Variants in TNN observed in about 807,000 individuals in gnomAD.
The protein encoded by TNN is tenascin-N.
Under a neutral mutation model 134.4 loss-of-function variants are expected in TNN, and 122 were observed. That is an observed-to-expected ratio of 0.91 (90% CI 0.78 to 1.06). The LOEUF is 1.06. Ranked by LOEUF, TNN falls within the 50% of genes least tolerant of loss-of-function variation. The pLI is 0.00. For synonymous variants in TNN, 710 were observed against 670.3 expected (o/e 1.06, Z -0.91); for missense variants, 1,739 against 1,699.4 (o/e 1.02, Z -0.41).
At position 175,107,264 on chromosome 1, in the gene TNN, T is replaced by C. The variant is rs1574157352; in HGVS notation, c.2119+8669T>C. 1.4e-5 allele frequency among the ~76,000 whole-genome samples: 2 copies of C among 144,760 alleles called. 1 individual carries two copies. The highest frequency in any genetic ancestry group is 4.8e-4 in the South Asian group (2 of 4,208). The allele number at this position is 144,760 out of a possible 152,430, so 95.0% of individuals were successfully genotyped here. A position where few individuals can be genotyped will look rare whatever the true frequency, so the allele number is the denominator to read the frequency against. The stretch of plus-strand genomic sequence containing the variant: ...TTTCTTCCTTCTGGTGGGTTCGTGG[T>C]CTTGCTGGCTCAGGAGTGAAGCTGC... On this transcript the variant is annotated intron_variant, in intron 9 of 18. Transcript: ENST00000239462.
intron 11 of TNN, among the ~76,000 whole-genome samples, chr1:175,119,806 G>A (rs1675301075): frequency 6.6e-6 from 1 of 151,618 alleles, no homozygotes; most frequent in Non-Finnish European, 1.5e-5. Flanking sequence ...GGCTAATTTT[G>A]TTTTTGTATT....
At chr1:175,121,006 C>A (rs1312999207) in intron 11 of TNN, among the ~76,000 whole-genome samples, 1 of 152,156 alleles carries the variant, frequency 6.6e-6, no homozygotes, top group Non-Finnish European at 1.5e-5. Context: ...CTGTGTTGAA[C>A]TCCTGGGCTC....
intron 11 of TNN, among the ~76,000 whole-genome samples, chr1:175,120,066 C>G (rs753511355): frequency 6.6e-6 from 1 of 152,206 alleles, no homozygotes; most frequent in Non-Finnish European, 1.5e-5. Flanking sequence ...TTGTGGCAAG[C>G]TATTTTGTAT....
intron 16 of TNN, 59 bp downstream of exon 16, chr1:175,136,000 C>A: frequency 7.7e-7 from 1 of 1,304,706 alleles, no homozygotes; most frequent in Non-Finnish European, 1.1e-6. Context: ...CCAGGACAAG[C>A]TAGCTAGGAG....
At position 175,125,703 on chromosome 1, in the gene TNN, C is replaced by CTTTCCTTCTT. The variant is rs66718246; in HGVS notation, c.2915-1251_2915-1250insTTCCTTCTTT. ...CCTCCTTTCTTTCTCTCTTTTTTCT[C>CTTTCCTTCTT]TCTTTCTTTCTTTCTTTCTTTCTTT... On this transcript the variant is annotated intron_variant, in intron 12 of 18. Coordinates refer to ENST00000239462, the MANE Select transcript of TNN (RefSeq NM_022093.2). 4.5e-5 allele frequency among the ~76,000 whole-genome samples: 3 copies of CTTTCCTTCTT among 66,390 alleles called. 1 individual carries two copies. The highest frequency in any genetic ancestry group is 1.7e-4 in the African/African-American group (3 of 17,344). 43.6% of individuals were successfully genotyped at this position (66,390 alleles called of 152,430 possible).
chr1:175,144,681 T>G, intron 18 of TNN, 131 bp downstream of exon 18: 4 of 1,001,504 alleles, frequency 4.0e-6, no homozygotes, highest in Non-Finnish European at 5.8e-6. Context: ...GAGCTTCTCC[T>G]CCAGGCTCCA....
In TNN at chr1:175,146,995, G is replaced by T. The variant is rs773575862; in HGVS notation, c.3824G>T (p.Arg1275Leu). 10 of 1,594,568 alleles carry T rather than the reference G, an allele frequency of 6.3e-6. No homozygotes were observed. Among genetic ancestry groups the T allele is most frequent in the East Asian group, 4.6e-5 (2 of 43,886 alleles). ...ATTCCTTACGTGGAGTTGAAAATCC[G>T]CCCTCATGGCTACAGCAGGGAGCCT... ...FSIPYVELKI[R>L]PHGYSREPVL... The change falls in exon 19 of 19, where the codon CGC becomes CTC. Residue 1275 changes from arginine (R) to leucine (L), a missense_variant. Arg to Leu is a moderately radical substitution (Grantham distance 102). Coordinates refer to ENST00000239462, the MANE Select transcript of TNN (RefSeq NM_022093.2).
rs1486820822 is a variant in TNN at position 175,077,595 on chromosome 1, C to T, written c.177C>T (p.Asp59=). 5 of 1,614,226 alleles carry T rather than the reference C, an allele frequency of 3.1e-6. No individual in the cohort carries two copies. Among genetic ancestry groups the T allele is most frequent in the Admixed American group, 1.7e-5 (1 of 60,036 alleles). The change falls in exon 2 of 19, where the codon GAC becomes GAT. Residue 59 remains aspartate (D), a synonymous_variant. Transcript: ENST00000239462. ...CCAAGTCTGCCTTGGTTCAGGTTGA[C>T]GCTGACCCTCAGCCCCTCAGTGACG... ...DVPKSALVQV[D]ADPQPLSDDG...
At chr1:175,084,572 G>A (rs1674281951) in intron 5 of TNN, among the ~76,000 whole-genome samples, 1 of 152,204 alleles carries the variant, frequency 6.6e-6, no homozygotes, top group Non-Finnish European at 1.5e-5. Context: ...TACCCAATCA[G>A]GTACAAGGCC....
At chr1:175,144,705 G>A (rs1327034713) in intron 18 of TNN, among the ~76,000 whole-genome samples, 155 bp downstream of exon 18, 3 of 152,196 alleles carry the variant, frequency 2.0e-5, no homozygotes, top group East Asian at 1.9e-4. Context: ...CCTTGAGGTC[G>A]TGGCCTCCCT....
chr1:175,119,051 G>A (rs6656788), intron 11 of TNN, among the ~76,000 whole-genome samples: 34,654 of 152,200 alleles, frequency 0.23, 4,463 homozygotes, highest in African/African-American at 0.35. Flanking sequence ...AAGGCGTCCC[G>A]ATCCAGACCC....
At chr1:175,097,956 CAGTGCTTGTGATAAT>C (rs1674613647) in intron 8 of TNN, among the ~76,000 whole-genome samples, 1 of 152,146 alleles carries the variant, frequency 6.6e-6, no homozygotes, top group African/African-American at 2.4e-5. Context: ...CTGGTCATTG[CAGTGCTTGTGATAAT>C]ATTTTTAGAG....
At position 175,080,155 on chromosome 1, in the gene TNN, G is replaced by A; in HGVS notation, c.785-8G>A. The stretch of plus-strand genomic sequence containing the variant: ...ACCCTCTCTGCCCTGTTCCTGTTCT[G>A]CCTGCAGTGGTCACCCCACAGGGCC... On this transcript the variant is annotated splice_region_variant and splice_polypyrimidine_tract_variant and intron_variant, in intron 3 of 18. Transcript: ENST00000239462. The A allele has an allele frequency of 4.3e-6, 7 of 1,613,212 alleles. No homozygotes were observed. Among genetic ancestry groups the A allele is most frequent in the Non-Finnish European group, 5.9e-6 (7 of 1,179,808 alleles).
intron 9 of TNN, among the ~76,000 whole-genome samples, chr1:175,103,243 G>A (rs561044230): frequency 1.4e-5 from 2 of 146,304 alleles, no homozygotes; most frequent in Non-Finnish European, 3.0e-5. Context: ...AATTTGAAAG[G>A]CGTTGTCTGA....
At chr1:175,111,912 A>G (rs140958023) in intron 9 of TNN, among the ~76,000 whole-genome samples, 31 of 152,098 alleles carry the variant, frequency 2.0e-4, no homozygotes, top group African/African-American at 7.5e-4. Flanking sequence ...AGGGTTTTCT[A>G]TATATGAGAT....
At chr1:175,144,836 G>A (rs1372235123) in intron 18 of TNN, among the ~76,000 whole-genome samples, 3 of 152,240 alleles carry the variant, frequency 2.0e-5, no homozygotes, top group South Asian at 2.1e-4. Context: ...TGCTCTGCAC[G>A]CTGTCTCATT....
intron 9 of TNN, among the ~76,000 whole-genome samples, chr1:175,112,598 C>CTTTTTTTTTGTTTTTTTTTTTTTT (rs1675059190): frequency 4.6e-5 from 1 of 21,974 alleles, no homozygotes. Context: ...GCCGGCCGAT[C>CTTTTTTTTTGTTTTTTTTTTTTTT]TTTTTTTTTT....
chr1:175,131,208 C>G (rs375765575), intron 15 of TNN, among the ~76,000 whole-genome samples: 1 of 152,146 alleles, frequency 6.6e-6, no homozygotes, highest in Admixed American at 6.5e-5. Flanking sequence ...TAAACTCTGC[C>G]GCTGGTGGGA....
At chr1:175,146,686 C>G (rs1676077274) in intron 18 of TNN, among the ~76,000 whole-genome samples, 1 of 152,032 alleles carries the variant, frequency 6.6e-6, no homozygotes, top group Admixed American at 6.6e-5. Flanking sequence ...CCATAGAGAC[C>G]GCCAGCTTCC....
Sources: gnomAD v4.1 joint callset for allele counts (sites outside exome capture counted in the v4.1 genomes callset) on GRCh38, gnomAD v4.1.1 for gene constraint, MANE v1.5 for transcripts, NCBI Gene and HGNC (gene_info 2026-07-23, HGNC 2026-07-21) for gene names.